IFT80: variants seen among roughly 807,000 people sequenced by gnomAD.
IFT80 encodes intraflagellar transport 80.
A neutral mutation model predicts 107.9 loss-of-function variants in IFT80; 79 were observed. That is an observed-to-expected ratio of 0.73 (90% CI 0.61 to 0.88). The LOEUF (loss-of-function observed/expected upper bound fraction) is 0.88. Among genes scored for constraint, IFT80 ranks in the 40% least tolerant of loss-of-function variants. The pLI is 0.00. For missense variants in IFT80, 797 were observed against 914.2 expected, an observed-to-expected ratio of 0.87 and a Z score of 1.65; for synonymous variants, 299 against 300.9, an observed-to-expected ratio of 0.99 and a Z score of 0.07.
At chr3:160,286,982 A>C (rs908602541) in intron 12 of IFT80, among the ~76,000 whole-genome samples, 1 of 152,102 alleles carries the variant, frequency 6.6e-6, no homozygotes, top group Non-Finnish European at 1.5e-5. Context: ...TGTGGTTAGA[A>C]GGTCTGAACT....
At chr3:160,362,503 T>C (rs1721565967) in intron 6 of IFT80, among the ~76,000 whole-genome samples, 1 of 152,222 alleles carries the variant, frequency 6.6e-6, no homozygotes, top group Non-Finnish European at 1.5e-5. Flanking sequence ...GAGGGAATCC[T>C]TCCTAACTCA....
At chr3:160,372,609 G>T (rs183531600) in intron 5 of IFT80, among the ~76,000 whole-genome samples, 333 of 152,250 alleles carry the variant, frequency 2.2e-3, no homozygotes, top group African/African-American at 7.8e-3. Context: ...CCAGAAAAAG[G>T]TATCAGATTA....
intron 18 of IFT80, among the ~76,000 whole-genome samples, chr3:160,276,150 G>A (rs960421124): frequency 6.6e-5 from 10 of 152,104 alleles, no homozygotes; most frequent in African/African-American, 2.4e-4. Flanking sequence ...TTACAAGCAT[G>A]TGAGCCACTG....
intron 8 of IFT80, among the ~76,000 whole-genome samples, chr3:160,335,359 C>T (rs936185101): frequency 6.6e-6 from 1 of 151,710 alleles, no homozygotes; most frequent in Admixed American, 6.6e-5. Context: ...GTAGCTGGGA[C>T]TACAGGCACC....
intron 18 of IFT80, among the ~76,000 whole-genome samples, chr3:160,276,133 G>A (rs938760617): frequency 6.6e-6 from 1 of 152,018 alleles, no homozygotes; most frequent in Non-Finnish European, 1.5e-5. Flanking sequence ...CTCCCGAAGT[G>A]TTGGGATTAC....
intron 9 of IFT80, among the ~76,000 whole-genome samples, chr3:160,313,151 T>C (rs908490968): frequency 7.5e-6 from 1 of 134,044 alleles, no homozygotes; most frequent in Non-Finnish European, 1.5e-5. Context: ...GTCTCTTCCA[T>C]GTATGAATTA....
chr3:160,322,885 T>C (rs1327296408), intron 8 of IFT80, among the ~76,000 whole-genome samples: 1 of 152,092 alleles, frequency 6.6e-6, no homozygotes, highest in Non-Finnish European at 1.5e-5. Context: ...ATGGGGTTGT[T>C]TGTTTTTTTC....
Position 160,273,869 on chromosome 3 carries a change from A to G in IFT80, c.2099+3437T>C, listed in dbSNP as rs187855740. ...CAGAGATCTCTACCAGCACCTGACC[A>G]AACCACTGGCTTACAATTAGGTAAA... On this transcript the variant is annotated intron_variant, in intron 18 of 19. Coordinates refer to ENST00000326448, the MANE Select transcript of IFT80 (RefSeq NM_020800.3). Among the ~76,000 whole-genome samples, 174 of 152,328 alleles carry G rather than the reference A, an allele frequency of 1.1e-3. 1 individual carries two copies. Among genetic ancestry groups the G allele is most frequent in the African/African-American group, 4.0e-3 (167 of 41,572 alleles).
chr3:160,342,667 G>C (rs997313610), intron 8 of IFT80: 2 of 152,398 alleles, frequency 1.3e-5, no homozygotes, highest in African/African-American at 4.8e-5. Context: ...CTGGGAACAG[G>C]ATGTCTAAAA....
At chr3:160,279,503 C>T in intron 15 of IFT80, 139 bp from the exon 16 acceptor site, 1 of 688,986 alleles carries the variant, frequency 1.5e-6, no homozygotes, top group African/African-American at 1.8e-5. Context: ...AAGGTTAACT[C>T]CAGGGAGAAT....
rs1055368020 is a variant in IFT80, at chr3:160,302,595, A to T, written c.1151+1320T>A. Among the ~76,000 whole-genome samples, 3 of 152,108 alleles carry T rather than the reference A, an allele frequency of 2.0e-5. No individual in the cohort carries two copies. In the South Asian group the frequency reaches 6.2e-4, roughly 32 times the overall value. On this transcript the variant is annotated intron_variant, in intron 11 of 19. Coordinates refer to ENST00000326448, the MANE Select transcript of IFT80 (RefSeq NM_020800.3). ...ACTAAATTTTTTGGCTATTTATGCCATTAATATATGTCTTTATTAAGAGTA... is the reference window on the plus strand; with the variant it reads ...ACTAAATTTTTTGGCTATTTATGCCTTTAATATATGTCTTTATTAAGAGTA...
At chr3:160,356,802 T>C (rs1218515373) in intron 7 of IFT80, among the ~76,000 whole-genome samples, 3 of 152,196 alleles carry the variant, frequency 2.0e-5, no homozygotes, top group Admixed American at 2.0e-4. Context: ...GTTATAGGTA[T>C]GAGCTACCAT....
At chr3:160,280,963 C>G in intron 14 of IFT80, 149 bp from the exon 15 acceptor site, 1 of 679,280 alleles carries the variant, frequency 1.5e-6, no homozygotes, top group Non-Finnish European at 2.5e-6. Flanking sequence ...AAAACACATA[C>G]CAAACAATCA....
At chr3:160,318,693 C>T (rs538761295) in intron 9 of IFT80, among the ~76,000 whole-genome samples, 1 of 152,106 alleles carries the variant, frequency 6.6e-6, no homozygotes, top group East Asian at 1.9e-4. Flanking sequence ...AAATATTTCA[C>T]TTCAAAATTT....
chr3:160,308,730 C>T (rs1054556849), intron 9 of IFT80, among the ~76,000 whole-genome samples: 4 of 152,072 alleles, frequency 2.6e-5, no homozygotes, highest in Non-Finnish European at 5.9e-5. Flanking sequence ...ATAAGTACTT[C>T]AAAGAAGTAC....
intron 9 of IFT80, among the ~76,000 whole-genome samples, chr3:160,308,515 C>T (rs773029562): frequency 2.6e-5 from 4 of 151,912 alleles, no homozygotes; most frequent in African/African-American, 4.8e-5. Context: ...GTTAAATTTA[C>T]GTATCTCTGG....
chr3:160,296,259 T>C (rs1715975980), intron 12 of IFT80, among the ~76,000 whole-genome samples: 1 of 152,204 alleles, frequency 6.6e-6, no homozygotes, highest in Non-Finnish European at 1.5e-5. Flanking sequence ...TAAGATCATG[T>C]AAGTATTTTA....
chr3:160,347,595 T>C (rs182734150), intron 8 of IFT80, among the ~76,000 whole-genome samples: 31 of 152,140 alleles, frequency 2.0e-4, no homozygotes, highest in African/African-American at 7.5e-4. Flanking sequence ...CAACAATGGG[T>C]ATACCTTTAG....
At chr3:160,367,264 A>G (rs1340625200) in intron 5 of IFT80, among the ~76,000 whole-genome samples, 1 of 152,062 alleles carries the variant, frequency 6.6e-6, no homozygotes, top group African/African-American at 2.4e-5. Context: ...TCTTTAATAT[A>G]CTGATTTTCT....
Sources: allele counts gnomAD v4.1 joint callset (sites outside exome capture counted in the v4.1 genomes callset), GRCh38; gene constraint gnomAD v4.1.1; transcripts MANE v1.5; gene names NCBI Gene and HGNC (gene_info 2026-07-23, HGNC 2026-07-21).